SOX5: variants seen among roughly 807,000 people sequenced by gnomAD.
SOX5 encodes the protein transcription factor SOX-5.
A neutral mutation model predicts 92.0 loss-of-function variants in SOX5; 9 were observed. That is an observed-to-expected ratio of 0.10 (90% CI 0.06 to 0.17). The LOEUF (loss-of-function observed/expected upper bound fraction) is 0.17. Among genes scored for constraint, SOX5 ranks in the 10% least tolerant of loss-of-function variants. The pLI, the probability that SOX5 is intolerant of heterozygous loss-of-function variation, is 1.00. For missense variants in SOX5, 642 were observed against 944.5 expected, an observed-to-expected ratio of 0.68 and a Z score of 4.20; for synonymous variants, 344 against 336.3, an observed-to-expected ratio of 1.02 and a Z score of -0.25.
chr12:23,765,115 C>T (rs991723689), intron 3 of SOX5, among the ~76,000 whole-genome samples: 1 of 151,806 alleles, frequency 6.6e-6, no homozygotes, highest in African/African-American at 2.4e-5. Context: ...TGCTTATAAT[C>T]GTATATTAAA....
chr12:24,017,564 C>A (rs572662095), intron 4 of SOX5, among the ~76,000 whole-genome samples: 1 of 152,006 alleles, frequency 6.6e-6, no homozygotes, highest in African/African-American at 2.4e-5. Flanking sequence ...CGCGCCCCTG[C>A]ACTCCAGCCT....
intron 1 of SOX5, among the ~76,000 whole-genome samples, chr12:24,543,558 C>T (rs549081220): frequency 6.6e-5 from 10 of 152,042 alleles, no homozygotes; most frequent in Admixed American, 2.0e-4. Flanking sequence ...CATGGTGGTA[C>T]GCGTGTGTGG....
chr12:23,557,045 T>C (rs1013631943), intron 11 of SOX5, among the ~76,000 whole-genome samples: 2 of 152,160 alleles, frequency 1.3e-5, no homozygotes, highest in Non-Finnish European at 2.9e-5. Flanking sequence ...CCACATTAAG[T>C]CAACATTGGT....
At chr12:24,509,400 A>G (rs967113822) in intron 1 of SOX5, among the ~76,000 whole-genome samples, 3 of 152,210 alleles carry the variant, frequency 2.0e-5, no homozygotes, top group Admixed American at 6.5e-5. Context: ...TTTAGGGGTG[A>G]AAGTGATGAA....
At chr12:23,585,856 T>TCGCCCC (rs1414078340) in intron 9 of SOX5, among the ~76,000 whole-genome samples, 1 of 152,144 alleles carries the variant, frequency 6.6e-6, no homozygotes, top group African/African-American at 2.4e-5. Context: ...CTTCTCTTTG[T>TCGCCCC]CGCCCCCGTG....
intron 10 of SOX5, among the ~76,000 whole-genome samples, chr12:23,569,100 G>A (rs193118331): frequency 3.4e-4 from 52 of 152,240 alleles, no homozygotes; most frequent in African/African-American, 1.2e-3. Flanking sequence ...CTGAGGCAGA[G>A]AACTGCTTGA....
intron 1 of SOX5, among the ~76,000 whole-genome samples, chr12:24,554,317 G>A (rs1395396985): frequency 6.6e-6 from 1 of 152,204 alleles, no homozygotes; most frequent in African/African-American, 2.4e-5. Context: ...CCAAAGTTTA[G>A]TGAGAGGTGC....
chr12:23,884,259 A>G (rs922484827), intron 2 of SOX5, among the ~76,000 whole-genome samples: 2 of 152,214 alleles, frequency 1.3e-5, no homozygotes, highest in South Asian at 2.1e-4. Flanking sequence ...ATAATTTGCC[A>G]AATGCCATAC....
chr12:23,852,302 T>C (rs992585094), intron 2 of SOX5, among the ~76,000 whole-genome samples: 7 of 152,140 alleles, frequency 4.6e-5, no homozygotes, highest in Non-Finnish European at 8.8e-5. Flanking sequence ...AAGGCAGACA[T>C]AGCACACTCT....
At chr12:24,437,888 T>C (rs1169794339) in intron 1 of SOX5, among the ~76,000 whole-genome samples, 1 of 152,206 alleles carries the variant, frequency 6.6e-6, no homozygotes, top group Non-Finnish European at 1.5e-5. Flanking sequence ...TCCTCAAGGA[T>C]CTAGAACCAG....
intron 6 of SOX5, among the ~76,000 whole-genome samples, chr12:23,680,724 T>A (rs1255487462): frequency 6.6e-6 from 1 of 152,032 alleles, no homozygotes; most frequent in Non-Finnish European, 1.5e-5. Context: ...AACTAAAGAC[T>A]ATGAAAGGCA....
chr12:23,768,655 C>A (rs993687926), intron 3 of SOX5, among the ~76,000 whole-genome samples: 49 of 151,994 alleles, frequency 3.2e-4, no homozygotes, highest in African/African-American at 1.1e-3. Context: ...AGCATTCCAA[C>A]TTGAAATTCC....
At chr12:24,312,356 C>T (rs1169198701) in intron 2 of SOX5, among the ~76,000 whole-genome samples, 1 of 152,196 alleles carries the variant, frequency 6.6e-6, no homozygotes, top group Non-Finnish European at 1.5e-5. Context: ...TAATCCGATT[C>T]TTTGCCCACT....
At chr12:23,566,189 C>T (rs1353394110) in intron 10 of SOX5, among the ~76,000 whole-genome samples, 1 of 152,172 alleles carries the variant, frequency 6.6e-6, no homozygotes, top group African/African-American at 2.4e-5. Context: ...CTTGTAGATA[C>T]TTAAGGTTCT....
At chr12:24,206,777 A>G (rs926017492) in intron 4 of SOX5, among the ~76,000 whole-genome samples, 1 of 152,228 alleles carries the variant, frequency 6.6e-6, no homozygotes, top group Non-Finnish European at 1.5e-5. Context: ...CTGTGTGCCA[A>G]CTACCCAGCA....
At chr12:24,235,054 A>G (rs750603490) in intron 3 of SOX5, among the ~76,000 whole-genome samples, 3 of 152,236 alleles carry the variant, frequency 2.0e-5, no homozygotes, top group Non-Finnish European at 4.4e-5. Flanking sequence ...CAGTATTTGC[A>G]TGAGATTTTT....
intron 2 of SOX5, among the ~76,000 whole-genome samples, chr12:23,848,980 G>A (rs368471511): frequency 6.6e-6 from 1 of 152,094 alleles, no homozygotes; most frequent in East Asian, 1.9e-4. Flanking sequence ...GCCTAACATA[G>A]CTGTCCTCAT....
chr12:24,051,181 C>T (rs1427309564), intron 4 of SOX5, among the ~76,000 whole-genome samples: 1 of 152,234 alleles, frequency 6.6e-6, no homozygotes, highest in South Asian at 2.1e-4. Flanking sequence ...ATTCAAGGCA[C>T]AGGTTGATTT....
chr12:24,155,793 A>C (rs896394976), intron 4 of SOX5, among the ~76,000 whole-genome samples: 10 of 152,172 alleles, frequency 6.6e-5, no homozygotes, highest in Non-Finnish European at 1.2e-4. Context: ...TACATGGTTA[A>C]GCATGGAGCA....
Sources: allele counts gnomAD v4.1 joint callset (sites outside exome capture counted in the v4.1 genomes callset), GRCh38; gene constraint gnomAD v4.1.1; transcripts MANE v1.5; gene names NCBI Gene and HGNC (gene_info 2026-07-23, HGNC 2026-07-21).